The following CSF1R variants were observed in gnomAD, a reference collection of about 807,000 sequenced individuals.
CSF1R encodes colony stimulating factor 1 receptor, also known as macrophage colony-stimulating factor 1 receptor.
In CSF1R, 40 loss-of-function variants were observed where a neutral mutation model predicts 110.0. The observed-to-expected ratio is 0.36, with a 90% CI of 0.28 to 0.47. The LOEUF (loss-of-function observed/expected upper bound fraction) is 0.47. CSF1R is among the 20% of genes least tolerant of loss of function. CSF1R has a pLI of 0.99. For synonymous variants in CSF1R, 523 were observed against 503.4 expected, an observed-to-expected ratio of 1.04 and a Z score of -0.52; for missense variants, 1,052 against 1,253.0, an observed-to-expected ratio of 0.84 and a Z score of 2.42.
chr5:150,088,453 A>G (rs897249153), upstream of CSF1R, among the ~76,000 whole-genome samples: 5 of 152,206 alleles, frequency 3.3e-5, no homozygotes. Context: ...AAAGATAACT[A>G]CAGACCAATA....
At chr5:150,089,862 G>A (rs1442775804), upstream of CSF1R, among the ~76,000 whole-genome samples, 1 of 152,134 alleles carries the variant, frequency 6.6e-6, no homozygotes, top group Non-Finnish European at 1.5e-5. Flanking sequence ...TTGAGAGTCA[G>A]GAAGTAAACT....
In CSF1R at chr5:150,080,880, G is replaced by A; in HGVS notation, c.194C>T (p.Ser65Phe). The change falls in exon 2 of 21, where the codon TCC becomes TTC. Residue 65 changes from serine to phenylalanine, a missense_variant. Around this residue, in one of 5 missense-constraint regions of CSF1R, gnomAD observed 693 missense variants for 735.4 expected, o/e 0.94. Coordinates refer to ENST00000675795, the MANE Select transcript of CSF1R (RefSeq NM_001288705.3). ...SPHWTLYSDG[S>F]SSILSTNNAT... Reference sequence around the variant, plus strand: ...GTTGTTGGTGCTGAGGATGCTGCTGGAGCCATCAGAGTACAGGGTCCAGTG... The same window carrying A: ...GTTGTTGGTGCTGAGGATGCTGCTGAAGCCATCAGAGTACAGGGTCCAGTG... 1 of 1,614,148 alleles carries A rather than the reference G, an allele frequency of 6.2e-7. No individual in the cohort carries two copies. The highest frequency in any genetic ancestry group is 1.1e-5 in the South Asian group (1 of 91,082).
intron 16 of CSF1R, among the ~76,000 whole-genome samples, 177 bp downstream of exon 16, chr5:150,057,110 C>G (rs1302242510): frequency 6.6e-6 from 1 of 152,098 alleles, no homozygotes; most frequent in African/African-American, 2.4e-5. Flanking sequence ...AGCTCCAGCC[C>G]TGGGCACAGC....
At position 150,061,483 on chromosome 5, in the gene CSF1R, TCA is replaced by T. The variant is rs1757524553; in HGVS notation, c.1858+6_1858+7del. The T allele has an allele frequency of 8.5e-6, 4 of 469,388 alleles. No individual in the cohort carries two copies. Among genetic ancestry groups the T allele is most frequent in the Non-Finnish European group, 1.2e-5 (4 of 324,448 alleles). The allele number at this position is 469,388 out of a possible 1,614,324, so 29.1% of individuals were successfully genotyped here. On this transcript the variant is annotated splice_donor_region_variant and intron_variant, in intron 12 of 20. Coordinates refer to ENST00000675795, the MANE Select transcript of CSF1R (RefSeq NM_001288705.3). ...CCATCCCTTCCCTCATCCCCTCCCC[TCA>T]CTCACACTTCAGCATCTTCACAGCC... is the stretch of plus-strand genomic sequence containing the variant.
intron 3 of CSF1R, 142 bp downstream of exon 3, chr5:150,079,910 G>A: frequency 9.6e-7 from 1 of 1,045,362 alleles, no homozygotes; most frequent in Non-Finnish European, 1.4e-6. Flanking sequence ...GATGATCGTG[G>A]AACCATTGAG....
chr5:150,056,936 AT>A (rs1468791139), intron 16 of CSF1R, among the ~76,000 whole-genome samples: 3 of 152,122 alleles, frequency 2.0e-5, no homozygotes, highest in Non-Finnish European at 2.9e-5. Context: ...GTTATCTAAT[AT>A]CCCCAAAATT....
intron 1 of CSF1R, among the ~76,000 whole-genome samples, chr5:150,101,427 G>T (rs572388467): frequency 6.6e-6 from 1 of 152,304 alleles, no homozygotes; most frequent in East Asian, 1.9e-4. Context: ...TTGTAGGGTT[G>T]TTTGCTATGC....
chr5:150,095,667 G>T (rs775870106), intron 1 of CSF1R, among the ~76,000 whole-genome samples: 1 of 146,104 alleles, frequency 6.8e-6, no homozygotes. Flanking sequence ...ATAAAGACAC[G>T]AGCAGAAATC....
At chr5:150,062,280 A>G (rs945734780) in intron 10 of CSF1R, among the ~76,000 whole-genome samples, 1 of 126,728 alleles carries the variant, frequency 7.9e-6, no homozygotes, top group Non-Finnish European at 1.7e-5. Flanking sequence ...GTGATAAAAC[A>G]TACATGAAAT....
intron 19 of CSF1R, 187 bp from the exon 20 acceptor site, chr5:150,054,617 G>A (rs1757107588): frequency 1.8e-6 from 1 of 558,802 alleles, no homozygotes. Flanking sequence ...TTGCAGAAGG[G>A]TACTCTCATC....
chr5:150,053,859 C>CAGCCCCT lies in CSF1R; in HGVS notation c.*203_*209dup. The stretch of plus-strand genomic sequence containing the variant: ...GAGGGGGGGGTGAGGGCTCAGCCCC[C>CAGCCCCT]AGCCCCTGACTGGCAGTGATGGCCC... On this transcript the variant is annotated 3_prime_UTR_variant, in exon 21 of 21. Transcript: ENST00000675795. 1.6e-6 allele frequency: 1 copy of CAGCCCCT among 607,262 alleles called. No individual in the cohort carries two copies. The highest frequency in any genetic ancestry group is 2.0e-5 in the South Asian group (1 of 51,156). 37.6% of individuals were successfully genotyped at this position (607,262 alleles called of 1,614,324 possible).
At chr5:150,071,966 C>T (rs2113812782) in intron 6 of CSF1R, among the ~76,000 whole-genome samples, 1 of 151,982 alleles carries the variant, frequency 6.6e-6, no homozygotes, top group South Asian at 2.1e-4. Context: ...AACGAGAATC[C>T]CAAAGAGTTT....
chr5:150,073,816 G>A (rs1159110661), intron 5 of CSF1R, among the ~76,000 whole-genome samples: 7 of 152,150 alleles, frequency 4.6e-5, no homozygotes, highest in African/African-American at 7.2e-5. Context: ...TTGGCAGCAA[G>A]AAAACACACA....
chr5:150,059,552 G>T, intron 14 of CSF1R, 148 bp downstream of exon 14: 2 of 860,824 alleles, frequency 2.3e-6, no homozygotes, highest in East Asian at 2.5e-5. Flanking sequence ...CATAAAACCT[G>T]TGGTGGCTAC....
intron 4 of CSF1R, 64 bp from the exon 5 acceptor site, chr5:150,077,499 C>G (rs1758320697): frequency 6.5e-7 from 1 of 1,527,764 alleles, no homozygotes; most frequent in Admixed American, 1.7e-5. Context: ...GATCTGGGTT[C>G]CAATCCTCAG....
rs373687972 is a variant in CSF1R, at chr5:150,062,999, A to G, written c.1627-1150T>C. 3.1e-3 allele frequency among the ~76,000 whole-genome samples: 471 copies of G among 152,102 alleles called. 4 individuals carry two copies. The highest frequency in any genetic ancestry group is 0.011 in the African/African-American group (450 of 41,480). On this transcript the variant is annotated intron_variant, in intron 10 of 20. Coordinates refer to ENST00000675795, the MANE Select transcript of CSF1R (RefSeq NM_001288705.3). ...AAACAGGAAGGCCTTGAGGGCTATG[A>G]TAAGGTGAGTGGGTTCCCTTTTGGG...
At chr5:150,083,437 C>A (rs1182296169) in intron 1 of CSF1R, among the ~76,000 whole-genome samples, 1 of 151,404 alleles carries the variant, frequency 6.6e-6, no homozygotes, top group Non-Finnish European at 1.5e-5. Context: ...CTCTTCAGCC[C>A]AGGATCTCAT....
chr5:150,075,418 G>A (rs1076870), intron 5 of CSF1R, among the ~76,000 whole-genome samples: 38,062 of 151,832 alleles, frequency 0.25, 8,250 homozygotes, highest in African/African-American at 0.57. Context: ...CTCTCTCCCC[G>A]CAGCCACACT....
chr5:150,073,715 A>G (rs1758131044), intron 5 of CSF1R, among the ~76,000 whole-genome samples: 1 of 152,208 alleles, frequency 6.6e-6, no homozygotes, highest in Non-Finnish European at 1.5e-5. Flanking sequence ...GAACCTGGGC[A>G]AATCCCTATC....
Sources: gnomAD v4.1 joint callset for allele counts (sites outside exome capture counted in the v4.1 genomes callset) on GRCh38, gnomAD v4.1.1 for gene constraint, gnomAD v4.1.1 regional missense constraint, MANE v1.5 for transcripts, NCBI Gene and HGNC (gene_info 2026-07-23, HGNC 2026-07-21) for gene names.